Variants in AGBL1 observed in about 807,000 individuals in gnomAD.
AGBL1 encodes the protein cytosolic carboxypeptidase 4.
Under a neutral mutation model 118.9 loss-of-function variants are expected in AGBL1, and 130 were observed. The ratio of observed to expected loss-of-function variants is 1.09; its 90% confidence interval spans 0.95 to 1.26. The LOEUF (loss-of-function observed/expected upper bound fraction) is 1.26. Ranked by LOEUF, AGBL1 falls within the 50% of genes most tolerant of loss-of-function variation. AGBL1 has a pLI of 0.00. For synonymous variants in AGBL1, 555 were observed against 478.9 expected (o/e 1.16, Z -2.08); for missense variants, 1,584 against 1,298.1 (o/e 1.22, Z -3.38).
chr15:86,485,165 G>A (rs2082697849), intron 18 of AGBL1, among the ~76,000 whole-genome samples: 1 of 152,098 alleles, frequency 6.6e-6, no homozygotes, highest in African/African-American at 2.4e-5. Flanking sequence ...TGTGGTCTGT[G>A]GGCCAGTATC....
intron 16 of AGBL1, among the ~76,000 whole-genome samples, chr15:86,294,647 C>A (rs976814696): frequency 5.9e-5 from 9 of 152,078 alleles, no homozygotes; most frequent in African/African-American, 2.2e-4. Flanking sequence ...TTTTCTGTCT[C>A]ATTTTCCCCA....
chr15:86,542,474 C>A (rs1177525701), intron 19 of AGBL1, among the ~76,000 whole-genome samples: 1 of 149,798 alleles, frequency 6.7e-6, no homozygotes, highest in Non-Finnish European at 1.5e-5. Context: ...TCAAGCAATT[C>A]TCCTGCCTCA....
chr15:86,190,837 C>T (rs1222435246), intron 5 of AGBL1, among the ~76,000 whole-genome samples: 2 of 152,102 alleles, frequency 1.3e-5, no homozygotes, highest in Non-Finnish European at 2.9e-5. Context: ...GGGCAAAACC[C>T]CTCTAAAAGA....
intron 17 of AGBL1, among the ~76,000 whole-genome samples, chr15:86,364,596 C>T (rs1008726254): frequency 6.6e-6 from 1 of 152,090 alleles, no homozygotes; most frequent in Non-Finnish European, 1.5e-5. Flanking sequence ...CCTACAGACT[C>T]TTTACTGACC....
chr15:86,641,249 C>T (rs1452052373), intron 21 of AGBL1, among the ~76,000 whole-genome samples: 1 of 151,866 alleles, frequency 6.6e-6, no homozygotes, highest in Admixed American at 6.6e-5. Flanking sequence ...GAACTATTTT[C>T]CAAAAATTAT....
At chr15:86,532,217 T>G in intron 19 of AGBL1, among the ~76,000 whole-genome samples, 1 of 150,580 alleles carries the variant, frequency 6.6e-6, no homozygotes, top group Non-Finnish European at 1.5e-5. Context: ...AACCCCATCA[T>G]CTCAGCCCAA....
chr15:86,952,181 A>G (rs945874249), intron 23 of AGBL1, among the ~76,000 whole-genome samples: 6 of 152,168 alleles, frequency 3.9e-5, no homozygotes, highest in African/African-American at 1.4e-4. Flanking sequence ...CAGTGAGCCG[A>G]GATCACGCTG....
chr15:86,295,138 A>G, intron 16 of AGBL1, 117 bp from the exon 17 acceptor site: 1 of 1,261,264 alleles, frequency 7.9e-7, no homozygotes, highest in Non-Finnish European at 1.1e-6. Context: ...CAATACATAA[A>G]GGACAGATTA....
At chr15:86,220,914 C>T (rs552971320) in intron 5 of AGBL1, among the ~76,000 whole-genome samples, 6 of 152,138 alleles carry the variant, frequency 3.9e-5, no homozygotes, top group East Asian at 3.9e-4. Context: ...CTCTTCAGGC[C>T]GTGCACAGTG....
At chr15:86,897,762 A>AT (rs2080149520) in intron 22 of AGBL1, among the ~76,000 whole-genome samples, 5 of 85,612 alleles carry the variant, frequency 5.8e-5, no homozygotes, top group South Asian at 3.8e-4. Context: ...TTCATCTTTT[A>AT]TCTTTTTTTT....
At chr15:86,464,055 G>C (rs558760104) in intron 18 of AGBL1, among the ~76,000 whole-genome samples, 1 of 152,078 alleles carries the variant, frequency 6.6e-6, no homozygotes. Context: ...TCACAATATT[G>C]GTTCTTTCTA....
chr15:86,147,519 G>A (rs911782154), intron 3 of AGBL1, among the ~76,000 whole-genome samples: 2 of 152,216 alleles, frequency 1.3e-5, no homozygotes, highest in Non-Finnish European at 2.9e-5. Flanking sequence ...TAGCACAGCA[G>A]TCTGACATCA....
chr15:86,316,309 T>G (rs149309829), intron 17 of AGBL1, among the ~76,000 whole-genome samples: 1 of 152,284 alleles, frequency 6.6e-6, no homozygotes, highest in East Asian at 1.9e-4. Flanking sequence ...AATGATTCCT[T>G]AGAACTTTGA....
chr15:86,942,296 C>A (rs1020304526), intron 23 of AGBL1, among the ~76,000 whole-genome samples: 2 of 152,124 alleles, frequency 1.3e-5, no homozygotes, highest in Non-Finnish European at 2.9e-5. Flanking sequence ...GTTTTCATCC[C>A]CTAAGGTGGA....
intron 3 of AGBL1, among the ~76,000 whole-genome samples, chr15:86,145,649 G>A (rs2077023548): frequency 6.6e-6 from 1 of 152,118 alleles, no homozygotes; most frequent in African/African-American, 2.4e-5. Flanking sequence ...GGAGAACTAG[G>A]CTTTTGCCAA....
intron 22 of AGBL1, among the ~76,000 whole-genome samples, chr15:86,900,676 T>C (rs188328885): frequency 7.0e-4 from 106 of 152,186 alleles, no homozygotes; most frequent in African/African-American, 2.6e-3. Context: ...GCTTGTGTAT[T>C]CTTCCTTCTA....
intron 18 of AGBL1, among the ~76,000 whole-genome samples, chr15:86,440,484 G>GAATAATAATAATAAT (rs60498816): frequency 0.15 from 21,047 of 144,250 alleles, 1,701 homozygotes; most frequent in East Asian, 0.18. Flanking sequence ...ATGGGATGGA[G>GAATAATAATAATAAT]AATAATAATA....
At chr15:86,967,145 T>C (rs959515615) in intron 23 of AGBL1, among the ~76,000 whole-genome samples, 2 of 152,190 alleles carry the variant, frequency 1.3e-5, no homozygotes, top group African/African-American at 4.8e-5. Flanking sequence ...CGTCTGTTCA[T>C]ATCCTTCACC....
At chr15:86,156,360 T>G (rs2077190805) in intron 4 of AGBL1, among the ~76,000 whole-genome samples, 1 of 152,208 alleles carries the variant, frequency 6.6e-6, no homozygotes, top group East Asian at 1.9e-4. Context: ...TTGGGCATCC[T>G]TGATGTTTCT....
Sources: gnomAD v4.1 joint callset for allele counts (sites outside exome capture counted in the v4.1 genomes callset) on GRCh38, gnomAD v4.1.1 for gene constraint, MANE v1.5 for transcripts, NCBI Gene and HGNC (gene_info 2026-07-23, HGNC 2026-07-21) for gene names.